Variants in CGNL1 observed in about 807,000 individuals in gnomAD.
CGNL1 encodes cingulin-like protein 1.
CGNL1 carries 132 observed loss-of-function variants against 141.2 expected under a neutral mutation model. The ratio of observed to expected loss-of-function variants is 0.93; its 90% confidence interval spans 0.81 to 1.08. The LOEUF is 1.08. Ranked by LOEUF, CGNL1 falls within the 50% of genes least tolerant of loss-of-function variation. The pLI is 0.00. For missense variants in CGNL1, 1,870 were observed against 1,588.6 expected (o/e 1.18, Z -3.01); for synonymous variants, 690 against 622.1 (o/e 1.11, Z -1.63).
At chr15:57,452,114 C>G in intron 5 of CGNL1, 27 bp from the exon 6 acceptor site, 1 of 1,604,976 alleles carries the variant, frequency 6.2e-7, no homozygotes, top group Non-Finnish European at 8.5e-7. Context: ...AGTGGAGGCT[C>G]TTTAAAATCA....
At chr15:57,402,066 T>TA (rs1201847320) in intron 1 of CGNL1, 3 of 152,222 alleles carry the variant, frequency 2.0e-5, no homozygotes, top group African/African-American at 7.2e-5. Flanking sequence ...AGCCATGTGA[T>TA]ATGGCTTGGA....
intron 1 of CGNL1, among the ~76,000 whole-genome samples, chr15:57,419,147 G>T (rs919939123): frequency 2.6e-5 from 4 of 152,070 alleles, no homozygotes; most frequent in African/African-American, 4.8e-5. Context: ...GGTCAGGCTG[G>T]TCTCAAATTC....
chr15:57,442,459 G>T lies in CGNL1; in HGVS notation c.1784G>T (p.Ser595Ile). Residue 595 changes from serine (S) to isoleucine (I), a missense_variant, in exon 4 of 19, where the codon AGC becomes ATC. Physicochemically the swap from Ser to Ile is moderately radical, Grantham distance 142. Coordinates refer to ENST00000281282, the MANE Select transcript of CGNL1 (RefSeq NM_032866.5). The stretch of plus-strand genomic sequence containing the variant: ...ACCTTAAAGTCTCGAGCAGCTGGGA[G>T]CGCCCAAGGAAATAACCAAGTAAAT... ...IQTLKSRAAGSAQGNNQACNS... is the reference protein window; with the variant it reads ...IQTLKSRAAGIAQGNNQACNS... 1 of 1,611,760 alleles carries T rather than the reference G, an allele frequency of 6.2e-7. No individual in the cohort carries two copies. Among genetic ancestry groups the T allele is most frequent in the African/African-American group, 1.3e-5 (1 of 75,012 alleles).
chr15:57,444,089 G>A (rs185231641), intron 4 of CGNL1, among the ~76,000 whole-genome samples: 27 of 152,226 alleles, frequency 1.8e-4, no homozygotes, highest in African/African-American at 6.5e-4. Context: ...GGTTTCCTGG[G>A]TTTCTTCCCC....
chr15:57,545,944 T>C, intron 17 of CGNL1, 132 bp from the exon 18 acceptor site: 1 of 1,045,722 alleles, frequency 9.6e-7, no homozygotes, highest in South Asian at 1.6e-5. Context: ...GCTCTCCATG[T>C]TTCCCAAGAG....
intron 14 of CGNL1, among the ~76,000 whole-genome samples, chr15:57,537,033 C>T (rs1250989383): frequency 2.0e-5 from 3 of 152,264 alleles, no homozygotes; most frequent in South Asian, 4.2e-4. Flanking sequence ...AAGAGAGGTC[C>T]GGCTTCATAT....
chr15:57,381,622 AAT>A (rs1373669232), intron 1 of CGNL1, among the ~76,000 whole-genome samples: 1 of 152,202 alleles, frequency 6.6e-6, no homozygotes, highest in East Asian at 1.9e-4. Context: ...GGTCTGTCTG[AAT>A]ACAAAGCTAA....
intron 1 of CGNL1, among the ~76,000 whole-genome samples, chr15:57,398,987 T>G (rs1355051548): frequency 2.0e-5 from 3 of 152,230 alleles, no homozygotes; most frequent in Non-Finnish European, 4.4e-5. Flanking sequence ...AGTTGGCACA[T>G]AATTGTACAT....
intron 4 of CGNL1, among the ~76,000 whole-genome samples, chr15:57,448,961 T>G (rs2063289727): frequency 6.6e-6 from 1 of 152,238 alleles, no homozygotes; most frequent in Non-Finnish European, 1.5e-5. Flanking sequence ...TGATTCTATA[T>G]GGTTGGTTGT....
chr15:57,396,287 T>TC, intron 1 of CGNL1, among the ~76,000 whole-genome samples: 1 of 151,234 alleles, frequency 6.6e-6, no homozygotes, highest in South Asian at 2.1e-4. Flanking sequence ...GTTTTTTTTT[T>TC]TTTTTTTGGA....
chr15:57,504,735 A>G (rs535838325), intron 8 of CGNL1, among the ~76,000 whole-genome samples: 28 of 152,286 alleles, frequency 1.8e-4, no homozygotes, highest in African/African-American at 6.0e-4. Context: ...GTACCTGGAC[A>G]TGTCACCTGC....
intron 1 of CGNL1, among the ~76,000 whole-genome samples, chr15:57,411,441 C>A (rs1335936004): frequency 6.7e-6 from 1 of 149,904 alleles, no homozygotes; most frequent in Non-Finnish European, 1.5e-5. Context: ...TTCTTTTTTT[C>A]TTTTTCTTTT....
chr15:57,547,264 G>A, intron 18 of CGNL1, 91 bp from the exon 19 acceptor site: 1 of 1,458,372 alleles, frequency 6.9e-7, no homozygotes, highest in Non-Finnish European at 9.4e-7. Flanking sequence ...GTGGGGTGCA[G>A]GGACAGCAAC....
intron 4 of CGNL1, among the ~76,000 whole-genome samples, chr15:57,447,806 G>T (rs760236218): frequency 1.2e-3 from 5 of 4,018 alleles, no homozygotes; most frequent in African/African-American, 6.6e-3. Flanking sequence ...CTCTCTTTTC[G>T]TGTGTGTGTG....
intron 1 of CGNL1, among the ~76,000 whole-genome samples, chr15:57,422,545 C>T (rs138618051): frequency 1.3e-5 from 2 of 152,258 alleles, no homozygotes; most frequent in East Asian, 3.9e-4. Flanking sequence ...TGTTAATGTT[C>T]AACAGTGGGT....
Position 57,524,705 on chromosome 15 carries a change from T to G in CGNL1, c.2993T>G (p.Leu998Arg), listed in dbSNP as rs751067296. ...CAAAGACAGTTGAAGGAGAAAACGC[T>G]GGAGGCAGAAAAGTCCCGACTGACA... ...EMQRQLKEKTLEAEKSRLTAM... is the reference protein window; with the variant it reads ...EMQRQLKEKTREAEKSRLTAM... The change falls in exon 12 of 19, where the codon CTG becomes CGG. Residue 998 changes from leucine to arginine, a missense_variant. By Grantham distance (102) the Leu-to-Arg change is moderately radical (BLOSUM62 -2). Transcript: ENST00000281282. 1.2e-6 allele frequency: 2 copies of G among 1,614,154 alleles called. No individual in the cohort carries two copies. The highest frequency in any genetic ancestry group is 3.3e-5 in the Admixed American group (2 of 60,022).
chr15:57,521,684 G>A (rs1274054019), intron 10 of CGNL1, among the ~76,000 whole-genome samples: 3 of 152,180 alleles, frequency 2.0e-5, no homozygotes, highest in Admixed American at 6.5e-5. Context: ...TGAGTCTGTG[G>A]TGTCTTTTGT....
At chr15:57,494,764 G>C (rs2063913397) in intron 8 of CGNL1, among the ~76,000 whole-genome samples, 4 of 152,214 alleles carry the variant, frequency 2.6e-5, no homozygotes, top group Non-Finnish European at 1.5e-5. Context: ...ACAGTGTTCA[G>C]CTGGCATCTC....
chr15:57,500,454 A>C (rs867525165), intron 8 of CGNL1, among the ~76,000 whole-genome samples: 3 of 152,318 alleles, frequency 2.0e-5, no homozygotes, highest in African/African-American at 2.4e-5. Flanking sequence ...CAGGCCACTT[A>C]ACCTCTCCAG....
Sources: gnomAD v4.1 joint callset for allele counts (sites outside exome capture counted in the v4.1 genomes callset) on GRCh38, gnomAD v4.1.1 for gene constraint, MANE v1.5 for transcripts, NCBI Gene and HGNC (gene_info 2026-07-23, HGNC 2026-07-21) for gene names.